The following ADCY5 variants were observed in gnomAD, a reference collection of about 807,000 sequenced individuals.
ADCY5 encodes adenylate cyclase type 5.
ADCY5 carries 30 observed loss-of-function variants against 119.7 expected under a neutral mutation model. The observed-to-expected ratio is 0.25, with a 90% CI of 0.19 to 0.34. The LOEUF is 0.34. Ranked by LOEUF, ADCY5 falls within the 10% of genes least tolerant of loss-of-function variation. The probability of loss-of-function intolerance (pLI) is 1.00; values close to 1 mark genes in which losing one functional copy is unlikely to be tolerated. For missense variants in ADCY5, 1,324 were observed against 1,775.2 expected (o/e 0.75, Z 4.57); for synonymous variants, 753 against 762.2 (o/e 0.99, Z 0.20).
In ADCY5 at chr3:123,291,236, C is replaced by G. The variant is rs920372488; in HGVS notation, c.3204G>C (p.Glu1068Asp). ...RNDELYYQSC[E>D]CVAVMFASIA... ...TGGAGGCGAACATGACCGCCACACA[C>G]TCACAGGACTGATAGTAGAGCTCAT... The change falls in exon 18 of 21, where the codon GAG (glutamate) becomes GAC (aspartate). Residue 1068 changes from glutamate (E) to aspartate (D), a missense_variant. Around this residue, in one of 6 missense-constraint regions of ADCY5, gnomAD observed 178 missense variants for 329.6 expected, o/e 0.54. Transcript: ENST00000462833. 3.1e-6 allele frequency: 5 copies of G among 1,614,070 alleles called. No homozygotes were observed. Among genetic ancestry groups the G allele is most frequent in the South Asian group, 1.1e-5 (1 of 91,086 alleles).
rs186595942 is a variant in ADCY5, at chr3:123,299,626, C to G, written c.2900+494G>C. ...GGGACCTAACCTCTGCCACCACAGC[C>G]AGGAGCCTTTGAGTAGTGCACAGAT... On this transcript the variant is annotated intron_variant, in intron 15 of 20. Coordinates refer to ENST00000462833, the MANE Select transcript of ADCY5 (RefSeq NM_183357.3). Among the ~76,000 whole-genome samples, 443 of 152,336 alleles carry G rather than the reference C, an allele frequency of 2.9e-3. 4 individuals carry two copies. The highest frequency in any genetic ancestry group is 9.8e-3 in the African/African-American group (407 of 41,564).
chr3:123,312,039 A>T (rs1940617523), intron 12 of ADCY5, among the ~76,000 whole-genome samples: 1 of 152,202 alleles, frequency 6.6e-6, no homozygotes, highest in African/African-American at 2.4e-5. Flanking sequence ...TCATTAGACC[A>T]AAAATGGCCA....
chr3:123,421,016 G>A (rs79223353), intron 1 of ADCY5, among the ~76,000 whole-genome samples: 6,006 of 152,074 alleles, frequency 0.039, 491 homozygotes, highest in East Asian at 0.35. Flanking sequence ...CTTTTTATAA[G>A]GACACCAGTC....
intron 1 of ADCY5, among the ~76,000 whole-genome samples, chr3:123,393,442 A>T (rs1341850179): frequency 6.6e-6 from 1 of 152,092 alleles, no homozygotes. Flanking sequence ...CTGTAGCCTT[A>T]GTTACCAGGG....
intron 1 of ADCY5, among the ~76,000 whole-genome samples, chr3:123,396,669 G>A (rs962054367): frequency 9.2e-5 from 12 of 130,360 alleles, no homozygotes; most frequent in Admixed American, 3.3e-4. Context: ...AGGGAAAGAC[G>A]GAAAATAAGA....
intron 3 of ADCY5, among the ~76,000 whole-genome samples, chr3:123,341,131 A>C (rs960785458): frequency 3.9e-5 from 6 of 152,162 alleles, no homozygotes; most frequent in African/African-American, 1.4e-4. Flanking sequence ...TCTCAAAAAA[A>C]AAAATTGAAA....
chr3:123,367,370 G>C (rs1287224418), intron 1 of ADCY5, among the ~76,000 whole-genome samples: 2 of 152,202 alleles, frequency 1.3e-5, no homozygotes, highest in Admixed American at 1.3e-4. Flanking sequence ...CCCACAAACT[G>C]CTTCTCCTGC....
intron 1 of ADCY5, among the ~76,000 whole-genome samples, chr3:123,388,828 G>T (rs1311625059): frequency 6.6e-6 from 1 of 152,204 alleles, no homozygotes; most frequent in Admixed American, 6.5e-5. Context: ...AGGGTCCTCT[G>T]TGAGATTGGG....
intron 7 of ADCY5, among the ~76,000 whole-genome samples, chr3:123,327,003 A>C (rs1361855512): frequency 6.6e-6 from 1 of 152,240 alleles, no homozygotes; most frequent in African/African-American, 2.4e-5. Flanking sequence ...TCATAAGTAA[A>C]AGGCATTTTA....
chr3:123,319,632 T>C, intron 10 of ADCY5, 42 bp downstream of exon 10: 1 of 1,602,654 alleles, frequency 6.2e-7, no homozygotes, highest in Middle Eastern at 1.7e-4. Flanking sequence ...CTCCTGGTCC[T>C]GGTTCAGCAC....
intron 17 of ADCY5, among the ~76,000 whole-genome samples, chr3:123,294,986 C>T (rs1939410819): frequency 6.6e-6 from 1 of 152,124 alleles, no homozygotes; most frequent in Non-Finnish European, 1.5e-5. Flanking sequence ...GGATCTTCCC[C>T]AGGGTGCCCC....
intron 1 of ADCY5, among the ~76,000 whole-genome samples, chr3:123,358,964 G>C (rs1308688317): frequency 6.6e-6 from 1 of 152,148 alleles, no homozygotes; most frequent in Non-Finnish European, 1.5e-5. Context: ...TTTTCAGGGG[G>C]CTCCATGGGC....
intron 3 of ADCY5, among the ~76,000 whole-genome samples, chr3:123,334,993 C>T (rs977194456): frequency 6.6e-6 from 1 of 152,130 alleles, no homozygotes; most frequent in Non-Finnish European, 1.5e-5. Context: ...GTTGGTGCCT[C>T]CCAAGACAAG....
At chr3:123,394,983 A>T (rs1246919514) in intron 1 of ADCY5, among the ~76,000 whole-genome samples, 2 of 152,248 alleles carry the variant, frequency 1.3e-5, no homozygotes, top group East Asian at 3.9e-4. Flanking sequence ...CCATTCCTCA[A>T]GGGTTCTGAA....
rs1348937614 is a variant in ADCY5, at chr3:123,448,344, G to C, written c.202C>G (p.Arg68Gly). 1 of 1,517,202 alleles carries C rather than the reference G, an allele frequency of 6.6e-7. No homozygotes were observed. Among genetic ancestry groups the C allele is most frequent in the Non-Finnish European group, 8.8e-7 (1 of 1,142,658 alleles). The allele number at this position is 1,517,202 out of a possible 1,614,324, so 94.0% of individuals were successfully genotyped here. Reference protein sequence around the residue: ...GGAVTPQQQQRLASRWRSDDD... With the variant: ...GGAVTPQQQQGLASRWRSDDD... ...TCGCTGCGCCAGCGGCTGGCCAGGC[G>C]CTGCTGCTGCTGCGGGGTCACCGCC... The change falls in exon 1 of 21, where the codon CGC (arginine) becomes GGC (glycine). Residue 68 changes from arginine to glycine, a missense_variant. Physicochemically the swap from Arg to Gly is moderately radical, Grantham distance 125 (BLOSUM62 -2). Transcript: ENST00000462833.
intron 1 of ADCY5, among the ~76,000 whole-genome samples, chr3:123,362,669 G>A (rs143786061): frequency 1.3e-5 from 2 of 152,164 alleles, no homozygotes; most frequent in East Asian, 3.9e-4. Context: ...TCCAGATCTG[G>A]TGGGGAAGTC....
chr3:123,345,469 C>T (rs976306702), intron 3 of ADCY5, among the ~76,000 whole-genome samples: 2 of 152,286 alleles, frequency 1.3e-5, no homozygotes, highest in East Asian at 3.9e-4. Context: ...TTTGTCCATG[C>T]GGTGCCAGGG....
chr3:123,302,023 C>G (rs1939881916), intron 14 of ADCY5, among the ~76,000 whole-genome samples: 2 of 152,220 alleles, frequency 1.3e-5, no homozygotes, highest in South Asian at 4.1e-4. Context: ...GAGCCAGATC[C>G]CAGGCTGGGT....
chr3:123,389,320 A>T (rs1011852899), intron 1 of ADCY5, among the ~76,000 whole-genome samples: 2 of 152,186 alleles, frequency 1.3e-5, no homozygotes, highest in Admixed American at 1.3e-4. Flanking sequence ...TCCTCAGAAG[A>T]TCCTTGCCAA....
Sources: gnomAD v4.1 joint callset for allele counts (sites outside exome capture counted in the v4.1 genomes callset) on GRCh38, gnomAD v4.1.1 for gene constraint, gnomAD v4.1.1 regional missense constraint, MANE v1.5 for transcripts, NCBI Gene and HGNC (gene_info 2026-07-23, HGNC 2026-07-21) for gene names.